Variants in ARHGAP6 observed in about 807,000 individuals in gnomAD.
ARHGAP6 encodes the protein Rho GTPase activating protein 6, also known as rho GTPase-activating protein 6.
ARHGAP6 carries 16 observed loss-of-function variants against 55.7 expected under a neutral mutation model. The ratio of observed to expected loss-of-function variants is 0.29; its 90% CI spans 0.19 to 0.44. The LOEUF is 0.44. Among genes scored for constraint, ARHGAP6 ranks in the 20% least tolerant of loss-of-function variants. The probability of loss-of-function intolerance (pLI) is 1.00; values close to 1 mark genes in which losing one functional copy is unlikely to be tolerated. For synonymous variants in ARHGAP6, 382 were observed against 360.9 expected, an observed-to-expected ratio of 1.06 and a Z score of -0.66; for missense variants, 698 against 808.9, an observed-to-expected ratio of 0.86 and a Z score of 1.66.
At chrX:11,282,929 T>C (rs954163438) in intron 1 of ARHGAP6, among the ~76,000 whole-genome samples, 3 of 112,551 alleles carry the variant, frequency 2.7e-5, no homozygotes, top group Non-Finnish European at 3.8e-5. Flanking sequence ...CCTTATCTTG[T>C]GCAGTTTTGT....
intron 1 of ARHGAP6, among the ~76,000 whole-genome samples, chrX:11,330,680 G>A (rs2048552613): frequency 1.8e-5 from 2 of 111,639 alleles, no homozygotes; most frequent in Non-Finnish European, 3.8e-5. Flanking sequence ...CACCACCATT[G>A]CTCCCATTTC....
At chrX:11,518,782 C>G (rs1334105169) in intron 1 of ARHGAP6, among the ~76,000 whole-genome samples, 5 of 68,255 alleles carry the variant, frequency 7.3e-5, no homozygotes, top group Non-Finnish European at 1.1e-4. Context: ...TATCCCTCCC[C>G]CCTCCCCCGA....
intron 1 of ARHGAP6, among the ~76,000 whole-genome samples, chrX:11,593,325 G>A (rs766724198): frequency 1.7e-4 from 19 of 111,350 alleles, no homozygotes; most frequent in African/African-American, 3.3e-4. Flanking sequence ...GGGAAAAAGC[G>A]GTGAAAAGAA....
At position 11,138,840 on chromosome X, in the gene ARHGAP6, G is replaced by T; in HGVS notation, c.*23C>A. The T allele has an allele frequency of 8.6e-7, 1 of 1,166,072 alleles. No individual in the cohort carries two copies. The highest frequency in any genetic ancestry group is 3.1e-5 in the East Asian group (1 of 31,863). ...CTGGAGGGCGGGGGGCTCGGGGCAG[G>T]GGGGGCTCGGCTGGGTGCGGGCTCA... On this transcript the variant is annotated 3_prime_UTR_variant, in exon 13 of 13. Coordinates refer to ENST00000337414, the MANE Select transcript of ARHGAP6 (RefSeq NM_013427.3).
intron 1 of ARHGAP6, among the ~76,000 whole-genome samples, chrX:11,323,478 G>A (rs908891996): frequency 8.9e-6 from 1 of 112,077 alleles, no homozygotes; most frequent in Non-Finnish European, 1.9e-5. Context: ...AAGATTGGGT[G>A]GAAGAATGGT....
chrX:11,158,863 T>C (rs1238305313), intron 9 of ARHGAP6, among the ~76,000 whole-genome samples: 1 of 112,141 alleles, frequency 8.9e-6, no homozygotes, highest in African/African-American at 3.2e-5. Flanking sequence ...AAACAGACAA[T>C]AATCCTTGTC....
At chrX:11,168,777 T>C (rs1403941515) in intron 9 of ARHGAP6, among the ~76,000 whole-genome samples, 2 of 112,124 alleles carry the variant, frequency 1.8e-5, no homozygotes. Flanking sequence ...AGAGTTGGCA[T>C]TTGTTTTAAT....
At chrX:11,188,467 A>G (rs2046413467) in intron 4 of ARHGAP6, among the ~76,000 whole-genome samples, 1 of 111,821 alleles carries the variant, frequency 8.9e-6, no homozygotes, top group South Asian at 3.8e-4. Context: ...ATTAATGGTG[A>G]TATTGCCGAA....
chrX:11,308,574 A>G lies in ARHGAP6; in HGVS notation c.589-53867T>C, dbSNP rs147392368. Among the ~76,000 whole-genome samples, 370 of 111,459 alleles carry G rather than the reference A, an allele frequency of 3.3e-3. 1 individual carries two copies. The highest frequency in any genetic ancestry group is 0.011 in the African/African-American group (336 of 30,647). ...ATCATACTAAGGAAAAGGGCAACCT[A>G]TGCCCTTGTCCCCAGTCGTCAGTCA... On this transcript the variant is annotated intron_variant, in intron 1 of 12. Coordinates refer to ENST00000337414, the MANE Select transcript of ARHGAP6 (RefSeq NM_013427.3).
chrX:11,440,769 TTAC>T (rs2050032082), intron 1 of ARHGAP6, among the ~76,000 whole-genome samples: 1 of 112,292 alleles, frequency 8.9e-6, no homozygotes, highest in Non-Finnish European at 1.9e-5. Context: ...TTGAATGCTG[TTAC>T]TAAATACAAT....
At chrX:11,429,896 T>C (rs2049925089) in intron 1 of ARHGAP6, among the ~76,000 whole-genome samples, 1 of 112,146 alleles carries the variant, frequency 8.9e-6, no homozygotes, top group Non-Finnish European at 1.9e-5. Context: ...CAGGGCAGCC[T>C]GATGGGGGCA....
chrX:11,573,358 T>C (rs1601658892), intron 1 of ARHGAP6, among the ~76,000 whole-genome samples: 1 of 110,157 alleles, frequency 9.1e-6, no homozygotes, highest in African/African-American at 3.3e-5. Context: ...GAATTCATTT[T>C]TGTATAAGGT....
rs147888467 is a variant in ARHGAP6, at chrX:11,407,078, C to T, written c.589-152371G>A. ...TATTCACAGAGTTGTGCAACCATCA[C>T]CACAACCAATTTTAGAATATTTTTA... On this transcript the variant is annotated intron_variant, in intron 1 of 12. Coordinates refer to ENST00000337414, the MANE Select transcript of ARHGAP6 (RefSeq NM_013427.3). Among the ~76,000 whole-genome samples, 84 of 111,501 alleles carry T rather than the reference C, an allele frequency of 7.5e-4. 1 individual carries two copies. The highest frequency in any genetic ancestry group is 2.7e-3 in the African/African-American group (84 of 30,650).
At chrX:11,483,551 C>T (rs2050480288) in intron 1 of ARHGAP6, among the ~76,000 whole-genome samples, 1 of 111,655 alleles carries the variant, frequency 9.0e-6, no homozygotes, top group Admixed American at 9.4e-5. Context: ...AAGAGGGTTA[C>T]AAGACACTGC....
Position 11,296,692 on chromosome X carries a change from C to T in ARHGAP6, c.589-41985G>A. 4 of 1,024,558 alleles carry T rather than the reference C, an allele frequency of 3.9e-6. No individual in the cohort carries two copies. In the Admixed American group the frequency reaches 9.1e-5, roughly 23 times the overall value. The allele number at this position is 1,024,558 out of a possible 1,213,427, so 84.4% of individuals were successfully genotyped here. ...CTCCTTTAATGTGAACAATTGCATA[C>T]TGACTTAATCTCTTCCTCTCTCTTC... On this transcript the variant is annotated intron_variant, in intron 1 of 12. Transcript: ENST00000337414.
At chrX:11,257,628 T>C (rs1261808787) in intron 1 of ARHGAP6, among the ~76,000 whole-genome samples, 1 of 112,192 alleles carries the variant, frequency 8.9e-6, no homozygotes, top group Non-Finnish European at 1.9e-5. Context: ...ATTCAAACAA[T>C]ATTTAATAAG....
intron 2 of ARHGAP6, among the ~76,000 whole-genome samples, chrX:11,198,010 T>C (rs1030131342): frequency 1.8e-5 from 2 of 111,843 alleles, no homozygotes; most frequent in African/African-American, 6.5e-5. Flanking sequence ...CAGGACACAC[T>C]AAAAATGTAA....
At chrX:11,442,118 T>TA (rs1217784125) in intron 1 of ARHGAP6, among the ~76,000 whole-genome samples, 2 of 111,523 alleles carry the variant, frequency 1.8e-5, no homozygotes, top group African/African-American at 6.5e-5. Context: ...GCAGTGTCTT[T>TA]AAAAAATTGT....
At chrX:11,526,497 C>G (rs2050990807) in intron 1 of ARHGAP6, among the ~76,000 whole-genome samples, 1 of 111,955 alleles carries the variant, frequency 8.9e-6, no homozygotes, top group African/African-American at 3.2e-5. Flanking sequence ...CCTCCCCTCC[C>G]CTCACCTTGC....
Sources: allele counts gnomAD v4.1 joint callset (sites outside exome capture counted in the v4.1 genomes callset), GRCh38; gene constraint gnomAD v4.1.1; transcripts MANE v1.5; gene names NCBI Gene and HGNC (gene_info 2026-07-23, HGNC 2026-07-21).